The following NAF1 variants were observed in gnomAD, a reference collection of about 807,000 sequenced individuals.
The protein encoded by NAF1 is H/ACA ribonucleoprotein complex non-core subunit NAF1.
NAF1 carries 11 observed loss-of-function variants against 40.6 expected under a neutral mutation model. That is an observed-to-expected ratio of 0.27 (90% confidence interval 0.17 to 0.45). The LOEUF is 0.45. Among genes scored for constraint, NAF1 ranks in the 20% least tolerant of loss-of-function variants. The pLI is 1.00. For missense variants in NAF1, 607 were observed against 611.1 expected, an observed-to-expected ratio of 0.99 and a Z score of 0.07; for synonymous variants, 260 against 228.5, an observed-to-expected ratio of 1.14 and a Z score of -1.24.
At chr4:163,109,160 CTTTT>C (rs11353573), downstream of NAF1, among the ~76,000 whole-genome samples, 127 of 134,834 alleles carry the variant, frequency 9.4e-4, 2 homozygotes, top group South Asian at 3.4e-3. Context: ...CCTTTTCACC[CTTTT>C]TTTTTTTTTT....
rs892235595 is a variant in NAF1 at position 163,136,370 on chromosome 4, A to G, written c.930+829T>C. The G allele has an allele frequency of 3.3e-5, 5 of 151,062 alleles. No individual in the cohort carries two copies. The Middle Eastern group carries it at 0.01, about 313-fold the overall frequency. The allele number at this position is 151,062 out of a possible 1,614,324, so 9.4% of individuals were successfully genotyped here. A position where few individuals can be genotyped will look rare whatever the true frequency, so the allele number is the denominator to read the frequency against. On this transcript the variant is annotated intron_variant, in intron 6 of 7. Transcript: ENST00000274054. ...ACAAAAAAAAAACTGTAATACTGAGAAAACTTCATAAGAACTGCTGAGCAA... is the reference window on the plus strand; with the variant it reads ...ACAAAAAAAAAACTGTAATACTGAGGAAACTTCATAAGAACTGCTGAGCAA...
intron 2 of NAF1, among the ~76,000 whole-genome samples, chr4:163,118,686 G>C (rs1243037680): frequency 6.6e-6 from 1 of 152,208 alleles, no homozygotes; most frequent in East Asian, 1.9e-4. Context: ...CCGGGAGGTA[G>C]AGGCTGCAGT....
downstream of NAF1, among the ~76,000 whole-genome samples, chr4:163,124,165 A>G (rs558655199): frequency 6.6e-6 from 1 of 152,238 alleles, no homozygotes; most frequent in African/African-American, 2.4e-5. Flanking sequence ...AGGGCAGCTA[A>G]GACAACATAG....
At chr4:163,108,797 C>T (rs1028014291), downstream of NAF1, 1 of 152,162 alleles carries the variant, frequency 6.6e-6, no homozygotes, top group Non-Finnish European at 1.5e-5. Context: ...TGAATACTCT[C>T]TGTGGGCCTA....
intron 2 of NAF1, among the ~76,000 whole-genome samples, chr4:163,163,049 C>T (rs1732290547): frequency 6.6e-6 from 1 of 152,104 alleles, no homozygotes. Context: ...GTACTGTGGT[C>T]TTTTCTTTGT....
At chr4:163,161,086 C>T (rs1427216333) in intron 2 of NAF1, among the ~76,000 whole-genome samples, 1 of 145,220 alleles carries the variant, frequency 6.9e-6, no homozygotes, top group Non-Finnish European at 1.5e-5. Context: ...CAAGGAAATA[C>T]AACACTAATT....
intron 2 of NAF1, among the ~76,000 whole-genome samples, chr4:163,114,390 G>T (rs776006469): frequency 4.6e-5 from 7 of 152,168 alleles, no homozygotes; most frequent in Non-Finnish European, 1.0e-4. Flanking sequence ...GTCCAATCTT[G>T]TGAGTGCCTT....
chr4:163,152,059 A>G (rs572825425), intron 2 of NAF1, among the ~76,000 whole-genome samples: 1 of 152,278 alleles, frequency 6.6e-6, no homozygotes, highest in East Asian at 1.9e-4. Flanking sequence ...CATGGCTTTC[A>G]TTTTTCAGAT....
chr4:163,122,815 T>G (rs970249721), downstream of NAF1, among the ~76,000 whole-genome samples: 1 of 152,174 alleles, frequency 6.6e-6, no homozygotes, highest in African/African-American at 2.4e-5. Flanking sequence ...AAGAAGGCCT[T>G]CACAAGATGC....
chr4:163,111,058 C>A (rs200874707), intron 2 of NAF1, among the ~76,000 whole-genome samples: 1 of 152,040 alleles, frequency 6.6e-6, no homozygotes, highest in Admixed American at 6.6e-5. Context: ...ATTTATATCT[C>A]GCAAAAAAAC....
chr4:163,109,249 C>G (rs1241548946), downstream of NAF1, among the ~76,000 whole-genome samples: 1 of 150,402 alleles, frequency 6.6e-6, no homozygotes, highest in Non-Finnish European at 1.5e-5. Flanking sequence ...ACAAACAACT[C>G]AAGAATACTT....
intron 2 of NAF1, among the ~76,000 whole-genome samples, chr4:163,118,568 C>A (rs1022408061): frequency 6.6e-6 from 1 of 152,140 alleles, no homozygotes; most frequent in African/African-American, 2.4e-5. Flanking sequence ...GCCTGGCCAA[C>A]ATGGCGAAAC....
intron 2 of NAF1, among the ~76,000 whole-genome samples, chr4:163,151,821 AG>A (rs1731720296): frequency 1.3e-5 from 2 of 152,130 alleles, no homozygotes; most frequent in African/African-American, 2.4e-5. Flanking sequence ...GTCTTCATAA[AG>A]GGTCCTATAC....
chr4:163,139,614 A>C (rs1405437744), intron 5 of NAF1, among the ~76,000 whole-genome samples: 1 of 152,158 alleles, frequency 6.6e-6, no homozygotes, highest in Non-Finnish European at 1.5e-5. Flanking sequence ...AATATAAAAA[A>C]ATATTGCGGT....
downstream of NAF1, among the ~76,000 whole-genome samples, chr4:163,107,269 G>A (rs1047955710): frequency 6.6e-6 from 1 of 152,234 alleles, no homozygotes; most frequent in African/African-American, 2.4e-5. Flanking sequence ...TTACAGGCAT[G>A]AGCCACTGTG....
rs761853076 is a variant in NAF1 at position 163,166,473 on chromosome 4, T to C, written c.255A>G (p.Pro85=). 9.4e-6 allele frequency: 15 copies of C among 1,602,806 alleles called. No individual in the cohort carries two copies. Among genetic ancestry groups the C allele is most frequent in the East Asian group, 2.2e-5 (1 of 44,610 alleles). Residue 85 remains proline, a synonymous_variant, in exon 1 of 8, where the codon CCA becomes CCG. Transcript: ENST00000274054. ...AAGTPAPQPQ[P]PAESPACGDC... ...CTCCGCAGGCCGGCGATTCAGCCGG[T>C]GGCTGTGGCTGCGGCGCCGGGGTCC...
At position 163,141,917 on chromosome 4, in the gene NAF1, G is replaced by A. The variant is rs377289490; in HGVS notation, c.718-1534C>T. ...ATCTTTCATTAATTTTCATTAAGGC[G>A]TAAAACAGCTCACCTATCAGGGCAC... On this transcript the variant is annotated intron_variant, in intron 4 of 7. Coordinates refer to ENST00000274054, the MANE Select transcript of NAF1 (RefSeq NM_138386.3). 8.4e-5 allele frequency: 82 copies of A among 976,924 alleles called. No individual in the cohort carries two copies. In the East Asian group the frequency reaches 3.0e-3, roughly 35 times the overall value. The allele number at this position is 976,924 out of a possible 1,614,324, so 60.5% of individuals were successfully genotyped here.
intron 2 of NAF1, among the ~76,000 whole-genome samples, chr4:163,151,106 T>TAAA (rs142691120): frequency 1.3e-5 from 2 of 148,454 alleles, no homozygotes; most frequent in African/African-American, 2.5e-5. Flanking sequence ...TATTAATTTA[T>TAAA]AAAAAAAAAA....
chr4:163,166,060 C>T (rs763874450), intron 1 of NAF1, among the ~76,000 whole-genome samples: 20 of 152,152 alleles, frequency 1.3e-4, no homozygotes, highest in Non-Finnish European at 2.6e-4. Flanking sequence ...ACGGAAATAA[C>T]CTAAGATCCT....
Sources: allele counts gnomAD v4.1 joint callset (sites outside exome capture counted in the v4.1 genomes callset), GRCh38; gene constraint gnomAD v4.1.1; transcripts MANE v1.5; gene names NCBI Gene and HGNC (gene_info 2026-07-23, HGNC 2026-07-21).